Variants in LAYN observed in about 807,000 individuals in gnomAD.
LAYN encodes the protein layilin.
A neutral mutation model predicts 43.6 loss-of-function variants in LAYN; 38 were observed. The ratio of observed to expected loss-of-function variants is 0.87; its 90% confidence interval spans 0.67 to 1.14. LAYN has a LOEUF of 1.14. LAYN is among the 50% of genes most tolerant of loss of function. The probability of loss-of-function intolerance (pLI) is 0.00; values close to 1 mark genes in which losing one functional copy is unlikely to be tolerated. For synonymous variants in LAYN, 168 were observed against 172.9 expected, an observed-to-expected ratio of 0.97 and a Z score of 0.22; for missense variants, 479 against 463.8, an observed-to-expected ratio of 1.03 and a Z score of -0.30.
At chr11:111,548,643 GA>G (rs1188544040) in intron 2 of LAYN, among the ~76,000 whole-genome samples, 1 of 152,224 alleles carries the variant, frequency 6.6e-6, no homozygotes, top group Admixed American at 6.5e-5. Context: ...GACTTAAGCA[GA>G]GCCTTACTGT....
chr11:111,548,218 G>A (rs947437593), intron 2 of LAYN, among the ~76,000 whole-genome samples: 7 of 152,072 alleles, frequency 4.6e-5, no homozygotes, highest in South Asian at 2.1e-4. Context: ...CCTCTTCCCC[G>A]CTGTATGGTT....
chr11:111,542,270 G>C lies in LAYN; in HGVS notation c.85+1342G>C, dbSNP rs577922614. On this transcript the variant is annotated intron_variant, in intron 1 of 6. Coordinates refer to ENST00000375614, the MANE Select transcript of LAYN (RefSeq NM_178834.5). ...TCTCTGAATACCTTCTTGCAAGCAG[G>C]TCTGGCTTTTGAACCCTCCTAATGT... Among the ~76,000 whole-genome samples, 30 of 152,330 alleles carry C rather than the reference G, an allele frequency of 2.0e-4. 1 individual carries two copies. The South Asian group carries it at 6.2e-3, about 32-fold the overall frequency.
chr11:111,541,343 G>C (rs1295744551), intron 1 of LAYN: 3 of 609,472 alleles, frequency 4.9e-6, no homozygotes, highest in Non-Finnish European at 8.7e-6. Flanking sequence ...CGCTCCGGGA[G>C]GCGGCCGCAG....
At chr11:111,546,427 T>C (rs1489329811) in intron 2 of LAYN, among the ~76,000 whole-genome samples, 4 of 152,236 alleles carry the variant, frequency 2.6e-5, no homozygotes, top group African/African-American at 9.6e-5. Flanking sequence ...ATTGGGAAGA[T>C]GTTCCCTTAC....
Position 111,544,183 on chromosome 11 carries a change from C to T in LAYN, c.346C>T (p.Leu116Phe), listed in dbSNP as rs757631341. 28 of 1,614,010 alleles carry T rather than the reference C, an allele frequency of 1.7e-5. No homozygotes were observed. Among genetic ancestry groups the T allele is most frequent in the South Asian group, 4.4e-5 (4 of 91,064 alleles). Residue 116 changes from leucine to phenylalanine, a missense_variant, in exon 2 of 7, where the codon CTT (leucine) becomes TTT (phenylalanine). Transcript: ENST00000375614. The part of the protein sequence containing the change: ...KQSNSTACQD[L>F]YAWTDGSISQ... ...AAGCAATAGCACAGCCTGCCAGGAC[C>T]TTTATGCTTGGACTGATGGCAGCAT...
chr11:111,541,437 C>A, intron 1 of LAYN: 1 of 891,348 alleles, frequency 1.1e-6, no homozygotes, highest in Non-Finnish European at 1.8e-6. Flanking sequence ...GGTTGGATGG[C>A]TGGGTCGAGC....
At chr11:111,544,783 T>A (rs1054711583) in intron 2 of LAYN, among the ~76,000 whole-genome samples, 1 of 151,968 alleles carries the variant, frequency 6.6e-6, no homozygotes. Context: ...TTAAAAAATA[T>A]CAAAATTAAA....
intron 1 of LAYN, among the ~76,000 whole-genome samples, chr11:111,541,842 G>A (rs1342570884): frequency 6.6e-6 from 1 of 152,114 alleles, no homozygotes; most frequent in Non-Finnish European, 1.5e-5. Flanking sequence ...GGCTGCGTGG[G>A]CTCTGTCCTT....
intron 6 of LAYN, among the ~76,000 whole-genome samples, chr11:111,559,580 T>A (rs1397401036): frequency 6.6e-6 from 1 of 152,056 alleles, no homozygotes; most frequent in South Asian, 2.1e-4. Context: ...CACCTCAGCC[T>A]CCCAACTAGC....
At position 111,540,851 on chromosome 11, in the gene LAYN, C is replaced by T; in HGVS notation, c.8C>T (p.Pro3Leu). 1 of 1,530,088 alleles carries T rather than the reference C, an allele frequency of 6.5e-7. No individual in the cohort carries two copies. The highest frequency in any genetic ancestry group is 8.7e-7 in the Non-Finnish European group (1 of 1,144,704). The allele number at this position is 1,530,088 out of a possible 1,614,324, so 94.8% of individuals were successfully genotyped here. Residue 3 changes from proline (P) to leucine (L), a missense_variant, in exon 1 of 7, where the codon CCG becomes CTG. Physicochemically the swap from Pro to Leu is moderately conservative, Grantham distance 98. Coordinates refer to ENST00000375614, the MANE Select transcript of LAYN (RefSeq NM_178834.5). ...GCGCACCCGAGTCGGGCCATGAGGC[C>T]GGGAACCGCGCTACAGGCCGTGCTG... Reference protein sequence around the residue: MRPGTALQAVLLA... With the variant: MRLGTALQAVLLA...
chr11:111,542,214 C>A (rs1387262377), intron 1 of LAYN, among the ~76,000 whole-genome samples: 1 of 152,232 alleles, frequency 6.6e-6, no homozygotes, highest in East Asian at 1.9e-4. Flanking sequence ...GCTGGCCCAG[C>A]CCCCTTCCCG....
intron 3 of LAYN, among the ~76,000 whole-genome samples, chr11:111,551,968 G>A (rs1867751649): frequency 6.6e-6 from 1 of 152,034 alleles, no homozygotes; most frequent in Non-Finnish European, 1.5e-5. Flanking sequence ...GCACCATGCT[G>A]GCAACTTGTT....
intron 2 of LAYN, among the ~76,000 whole-genome samples, chr11:111,544,452 G>A (rs965735488): frequency 2.6e-5 from 4 of 152,232 alleles, no homozygotes; most frequent in African/African-American, 9.6e-5. Flanking sequence ...CAGCCCAGCA[G>A]CCTTGTTTCA....
At chr11:111,544,700 A>C (rs933257089) in intron 2 of LAYN, among the ~76,000 whole-genome samples, 8 of 152,058 alleles carry the variant, frequency 5.3e-5, no homozygotes, top group African/African-American at 1.9e-4. Context: ...ATCAAGACTC[A>C]CTCATCCCCT....
At chr11:111,557,066 C>G (rs1186670015) in intron 5 of LAYN, among the ~76,000 whole-genome samples, 1 of 152,082 alleles carries the variant, frequency 6.6e-6, no homozygotes, top group South Asian at 2.1e-4. Flanking sequence ...CTCTTTCCCC[C>G]ATCCCATCGT....
intron 4 of LAYN, 28 bp downstream of exon 4, chr11:111,554,621 A>C (rs2135801708): frequency 6.2e-7 from 1 of 1,602,764 alleles, no homozygotes; most frequent in African/African-American, 1.3e-5. Flanking sequence ...GATTTGGGTT[A>C]ACTGGGGCTG....
intron 2 of LAYN, among the ~76,000 whole-genome samples, chr11:111,545,074 A>ATATATATATATATATATATATATTTTTT (rs1170875315): frequency 6.7e-6 from 1 of 148,388 alleles, no homozygotes; most frequent in African/African-American, 2.5e-5. Context: ...ATATATATAT[A>ATATATATATATATATATATATATTTTTT]TTTTTTACCT....
intron 1 of LAYN, 143 bp downstream of exon 1, chr11:111,541,071 C>T (rs907242826): frequency 1.7e-5 from 13 of 771,202 alleles, no homozygotes; most frequent in Non-Finnish European, 2.2e-5. Context: ...TTCGGAGTCT[C>T]TTGCGTTCTG....
At chr11:111,540,695 C>A, upstream of LAYN, 1 of 713,300 alleles carries the variant, frequency 1.4e-6, no homozygotes, top group Non-Finnish European at 2.1e-6. Context: ...GACCGACTGA[C>A]TCCGCGCCCT....
Sources: gnomAD v4.1 joint callset for allele counts (sites outside exome capture counted in the v4.1 genomes callset) on GRCh38, gnomAD v4.1.1 for gene constraint, MANE v1.5 for transcripts, NCBI Gene and HGNC (gene_info 2026-07-23, HGNC 2026-07-21) for gene names.